Variants in KDM6A observed in about 807,000 individuals in gnomAD.
The protein encoded by KDM6A is lysine-specific demethylase 6A.
Under a neutral mutation model 117.6 loss-of-function variants are expected in KDM6A, and 11 were observed. The ratio of observed to expected loss-of-function variants is 0.09; its 90% CI spans 0.06 to 0.15. The LOEUF is 0.15. Ranked by LOEUF, KDM6A falls within the 10% of genes least tolerant of loss-of-function variation. The pLI is 1.00. For synonymous variants in KDM6A, 384 were observed against 396.1 expected, an observed-to-expected ratio of 0.97 and a Z score of 0.36; for missense variants, 799 against 1,077.3, an observed-to-expected ratio of 0.74 and a Z score of 3.62.
intron 2 of KDM6A, among the ~76,000 whole-genome samples, chrX:44,934,697 G>A (rs753934804): frequency 1.1e-4 from 12 of 111,339 alleles, no homozygotes; most frequent in Non-Finnish European, 1.3e-4. Context: ...ATTTAGAATG[G>A]CAACCCTCCA....
chrX:44,889,831 TA>T (rs1319713632), intron 2 of KDM6A, among the ~76,000 whole-genome samples: 1 of 112,399 alleles, frequency 8.9e-6, no homozygotes, highest in African/African-American at 3.2e-5. Context: ...AACACTTATG[TA>T]TTGACTTACT....
chrX:45,039,060 G>A lies in KDM6A; in HGVS notation c.654+1371G>A, dbSNP rs189214378. Among the ~76,000 whole-genome samples the A allele has an allele frequency of 1.5e-3, 165 of 111,569 alleles. 1 individual carries two copies. The highest frequency in any genetic ancestry group is 6.0e-4 in the Non-Finnish European group (32 of 53,139). On this transcript the variant is annotated intron_variant, in intron 8 of 29. Transcript: ENST00000611820. The stretch of plus-strand genomic sequence containing the variant: ...TATTGTTATAGGATGTAATCAGACA[G>A]TTTGAGATCATTTATGCTGGTGGTT...
At chrX:45,013,088 G>C (rs1275685716) in intron 5 of KDM6A, among the ~76,000 whole-genome samples, 1 of 111,562 alleles carries the variant, frequency 9.0e-6, no homozygotes, top group Admixed American at 9.5e-5. Context: ...TAGTCTTAGA[G>C]ATAATTTAGT....
chrX:45,012,079 C>A (rs759894378), intron 5 of KDM6A, among the ~76,000 whole-genome samples: 1 of 110,081 alleles, frequency 9.1e-6, no homozygotes, highest in African/African-American at 3.3e-5. Flanking sequence ...TGAGCCCCCA[C>A]GCTGGCATCA....
intron 2 of KDM6A, among the ~76,000 whole-genome samples, chrX:44,953,286 C>G (rs1371994467): frequency 4.5e-5 from 5 of 111,010 alleles, no homozygotes; most frequent in Non-Finnish European, 7.5e-5. Context: ...ATGATTCTAC[C>G]CAAGTAGGCA....
chrX:45,027,336 A>AACACACACACACACACACACAC (rs200245833), intron 6 of KDM6A, among the ~76,000 whole-genome samples: 17 of 98,151 alleles, frequency 1.7e-4, no homozygotes, highest in African/African-American at 6.1e-4. Flanking sequence ...CATAGTGTGA[A>AACACACACACACACACACACAC]ACACACACAC....
intron 2 of KDM6A, among the ~76,000 whole-genome samples, chrX:44,911,393 C>T (rs1235457076): frequency 2.2e-5 from 2 of 89,528 alleles, no homozygotes; most frequent in Admixed American, 2.4e-4. Context: ...CAGACAGGGT[C>T]GCGGCCGGGC....
rs897576391 is a variant in KDM6A at position 44,873,513 on chromosome X, G to T, written c.-39G>T. 3.3e-6 allele frequency: 4 copies of T among 1,209,155 alleles called. No individual in the cohort carries two copies. The highest frequency in any genetic ancestry group is 2.2e-5 in the Admixed American group (1 of 46,022). On this transcript the variant is annotated 5_prime_UTR_variant, in exon 1 of 30. Coordinates refer to ENST00000611820, the MANE Select transcript of KDM6A (RefSeq NM_001291415.2). The stretch of plus-strand genomic sequence containing the variant: ...GTCACTGCGGGCCCCGGTCCGAGGG[G>T]GGGTGTCGGCGTTGGAGTTGTGAAT...
At chrX:45,089,650 G>GTT (rs1279725693) in intron 25 of KDM6A, 93 bp from the exon 26 acceptor site, 2 of 623,334 alleles carry the variant, frequency 3.2e-6, no homozygotes, top group African/African-American at 4.5e-5. Context: ...ATGAACAAGT[G>GTT]TTTATTTAAA....
intron 4 of KDM6A, among the ~76,000 whole-genome samples, chrX:45,009,574 G>A (rs938294373): frequency 3.6e-5 from 4 of 111,693 alleles, no homozygotes; most frequent in Admixed American, 2.8e-4. Flanking sequence ...ACAGTCTTAC[G>A]TTACCCAGCC....
intron 27 of KDM6A, among the ~76,000 whole-genome samples, chrX:45,105,134 A>G (rs1164757786): frequency 9.0e-6 from 1 of 111,670 alleles, no homozygotes; most frequent in African/African-American, 3.3e-5. Context: ...AGTGGGTGAT[A>G]ATAAGATGTG....
intron 4 of KDM6A, among the ~76,000 whole-genome samples, chrX:44,990,286 C>G (rs981782141): frequency 6.3e-5 from 7 of 111,580 alleles, no homozygotes; most frequent in African/African-American, 9.8e-5. Context: ...TGCCTGTAAT[C>G]CCAGCACTTT....
At chrX:45,057,909 A>G (rs997437645) in intron 10 of KDM6A, among the ~76,000 whole-genome samples, 3 of 111,142 alleles carry the variant, frequency 2.7e-5, no homozygotes, top group Admixed American at 1.9e-4. Flanking sequence ...AAATAAGAGA[A>G]TTACAGCATA....
At chrX:45,067,516 G>A (rs1301860323) in intron 17 of KDM6A, among the ~76,000 whole-genome samples, 8 of 111,023 alleles carry the variant, frequency 7.2e-5, no homozygotes, top group Non-Finnish European at 1.5e-4. Context: ...AATATGCAGT[G>A]TTTTTGCTTT....
intron 2 of KDM6A, among the ~76,000 whole-genome samples, chrX:44,958,603 CCTTT>C (rs2038482793): frequency 1.2e-5 from 1 of 83,413 alleles, no homozygotes; most frequent in South Asian, 5.8e-4. Context: ...ACTATATAGA[CCTTT>C]TTTTTTTTTT....
intron 2 of KDM6A, among the ~76,000 whole-genome samples, chrX:44,891,570 G>A (rs766330991): frequency 1.1e-4 from 12 of 111,713 alleles, no homozygotes; most frequent in Admixed American, 8.6e-4. Flanking sequence ...CTTGTTTTCC[G>A]GTGCTGTAAA....
At chrX:45,041,083 A>G (rs1340210875) in intron 8 of KDM6A, among the ~76,000 whole-genome samples, 24 of 44,400 alleles carry the variant, frequency 5.4e-4, no homozygotes, top group South Asian at 1.8e-3. Flanking sequence ...GGGCAGAGGC[A>G]CCCCTCACCT....
intron 4 of KDM6A, among the ~76,000 whole-genome samples, chrX:44,989,466 G>A (rs565248516): frequency 9.7e-4 from 106 of 109,459 alleles, no homozygotes; most frequent in Middle Eastern, 4.6e-3. Context: ...AGTTGGAAAT[G>A]CAGAAATCAC....
intron 2 of KDM6A, among the ~76,000 whole-genome samples, chrX:44,920,074 G>A (rs750375010): frequency 1.8e-5 from 2 of 112,413 alleles, no homozygotes; most frequent in Non-Finnish European, 3.8e-5. Context: ...TTATGGTCTA[G>A]CATATGGTCT....
Sources: gnomAD v4.1 joint callset for allele counts (sites outside exome capture counted in the v4.1 genomes callset) on GRCh38, gnomAD v4.1.1 for gene constraint, MANE v1.5 for transcripts, NCBI Gene and HGNC (gene_info 2026-07-23, HGNC 2026-07-21) for gene names.